Variants in AGAP1 observed in about 807,000 individuals in gnomAD.
AGAP1 encodes the protein arf-GAP with GTPase, ANK repeat and PH domain-containing protein 1.
AGAP1 carries 29 observed loss-of-function variants against 105.3 expected under a neutral mutation model. That is an observed-to-expected ratio of 0.28 (90% CI 0.21 to 0.38). The LOEUF (loss-of-function observed/expected upper bound fraction) is 0.38. Ranked by LOEUF, AGAP1 falls within the 10% of genes least tolerant of loss-of-function variation. AGAP1 has a pLI of 1.00. For synonymous variants in AGAP1, 509 were observed against 485.9 expected (o/e 1.05, Z -0.63); for missense variants, 998 against 1,165.1 (o/e 0.86, Z 2.09).
chr2:235,902,058 C>A (rs556510547), intron 10 of AGAP1, among the ~76,000 whole-genome samples: 1 of 152,134 alleles, frequency 6.6e-6, no homozygotes, highest in African/African-American at 2.4e-5. Flanking sequence ...GTATAATTTT[C>A]AAAATAAAAA....
rs1952343720 is a variant in AGAP1, at chr2:235,737,892, GC to G, written c.311-3069del. On this transcript the variant is annotated intron_variant, in intron 3 of 17. Coordinates refer to ENST00000304032, the MANE Select transcript of AGAP1 (RefSeq NM_001037131.3). The surrounding 1 kb of genome is among the most constrained non-coding windows in gnomAD (Gnocchi z 4.5). ...GGCCAGCGTGCTTGGACAAGACGAAGCCTCATCAAAGTTGAACCTTAGGGTT... is the reference window on the plus strand; with the variant it reads ...GGCCAGCGTGCTTGGACAAGACGAAGCTCATCAAAGTTGAACCTTAGGGTT... 6.6e-6 allele frequency among the ~76,000 whole-genome samples: 1 copy of G among 152,030 alleles called. No individual in the cohort carries two copies.
intron 9 of AGAP1, among the ~76,000 whole-genome samples, chr2:235,876,175 G>A (rs1325751224): frequency 1.3e-5 from 2 of 152,048 alleles, no homozygotes; most frequent in Non-Finnish European, 2.9e-5. Flanking sequence ...GCAAATACTT[G>A]TATCTGTTGT....
At chr2:235,568,306 G>A (rs771808600) in intron 1 of AGAP1, among the ~76,000 whole-genome samples, 1 of 152,260 alleles carries the variant, frequency 6.6e-6, no homozygotes, top group Non-Finnish European at 1.5e-5. Flanking sequence ...CCGAGCTGCT[G>A]CTGTTCGTGG....
intron 13 of AGAP1, among the ~76,000 whole-genome samples, chr2:235,990,567 C>T (rs2055522921): frequency 6.6e-6 from 1 of 152,210 alleles, no homozygotes; most frequent in Non-Finnish European, 1.5e-5. Context: ...GGCTTCCTTC[C>T]AACATGGTGG....
Position 236,014,774 on chromosome 2 carries a change from C to A in AGAP1, c.1646-21787C>A. On this transcript the variant is annotated intron_variant, in intron 13 of 17. Coordinates refer to ENST00000304032, the MANE Select transcript of AGAP1 (RefSeq NM_001037131.3). This position sits in a 1 kb window ranked among gnomAD's most constrained non-coding sequence, Gnocchi z 6.3. ...TTTCCTTTTTGTTTTCTCTCTTTTTCCCCTCTCCCCTTTCTGCTCTCGGGA... is the reference window on the plus strand; with the variant it reads ...TTTCCTTTTTGTTTTCTCTCTTTTTACCCTCTCCCCTTTCTGCTCTCGGGA... The A allele has an allele frequency of 2.4e-6, 1 of 413,906 alleles. No individual in the cohort carries two copies. The highest frequency in any genetic ancestry group is 4.8e-6 in the Non-Finnish European group (1 of 206,516). The allele number at this position is 413,906 out of a possible 1,614,324, so 25.6% of individuals were successfully genotyped here.
At position 235,962,356 on chromosome 2, in the gene AGAP1, C is replaced by T. The variant is rs1453078240; in HGVS notation, c.1484-6106C>T. On this transcript the variant is annotated intron_variant, in intron 12 of 17. Coordinates refer to ENST00000304032, the MANE Select transcript of AGAP1 (RefSeq NM_001037131.3). This position sits in a 1 kb window ranked among gnomAD's most constrained non-coding sequence, Gnocchi z 5.3. ...AAGTCAGTGAAGTTGGGGCTTCCTA[C>T]TCAGGAGAGATGGTGGGAGAAGGGA... is the stretch of plus-strand genomic sequence containing the variant. Among the ~76,000 whole-genome samples, 3 of 152,052 alleles carry T rather than the reference C, an allele frequency of 2.0e-5. No homozygotes were observed. Among genetic ancestry groups the T allele is most frequent in the African/African-American group, 7.2e-5 (3 of 41,400 alleles).
chr2:236,128,078 C>A lies in AGAP1; in HGVS notation c.*3956C>A, dbSNP rs554481908. ...GCTGTGATGGGCACGTTTGCCAACC[C>A]CCCCCCCCCAGTAGAGCCCAGGACC... On this transcript the variant is annotated 3_prime_UTR_variant, in exon 18 of 18. Transcript: ENST00000304032. This position sits in a 1 kb window ranked among gnomAD's most constrained non-coding sequence, Gnocchi z 5.9. The A allele has an allele frequency of 8.1e-4, 121 of 150,178 alleles. No homozygotes were observed. Among genetic ancestry groups the A allele is most frequent in the Non-Finnish European group, 1.5e-3 (98 of 67,020 alleles). The allele number at this position is 150,178 out of a possible 1,614,324, so 9.3% of individuals were successfully genotyped here.
rs779398988 is a variant in AGAP1 at position 235,908,711 on chromosome 2, C to G, written c.1156-27C>G. The G allele has an allele frequency of 3.3e-6, 5 of 1,524,816 alleles. No homozygotes were observed. Among genetic ancestry groups the G allele is most frequent in the Non-Finnish European group, 4.4e-6 (5 of 1,128,946 alleles). The allele number at this position is 1,524,816 out of a possible 1,614,324, so 94.5% of individuals were successfully genotyped here. ...AAAGGTCTTTTTTTTTTTTTTATCT[C>G]TCTTGGATGTTTAACATTTTCAACA... On this transcript the variant is annotated intron_variant, in intron 10 of 17. Coordinates refer to ENST00000304032, the MANE Select transcript of AGAP1 (RefSeq NM_001037131.3). The surrounding 1 kb of genome is among the most constrained non-coding windows in gnomAD (Gnocchi z 4.4).
intron 1 of AGAP1, among the ~76,000 whole-genome samples, chr2:235,512,635 C>T (rs1266463146): frequency 6.6e-6 from 1 of 152,162 alleles, no homozygotes; most frequent in East Asian, 1.9e-4. Flanking sequence ...CCATGCGCGT[C>T]CTCCCCCATT....
Position 235,970,885 on chromosome 2 carries a change from A to AG in AGAP1, c.1645+2262_1645+2263insG, listed in dbSNP as rs2054616642. ...ATGTGTGTGCGAGGCAATAGTGGATACCCAGGCTGAGACACGGGCTCTGTC... is the reference window on the plus strand; with the variant it reads ...ATGTGTGTGCGAGGCAATAGTGGATAGCCCAGGCTGAGACACGGGCTCTGTC... On this transcript the variant is annotated intron_variant, in intron 13 of 17. Transcript: ENST00000304032. This position sits in a 1 kb window ranked among gnomAD's most constrained non-coding sequence, Gnocchi z 5.4. Among the ~76,000 whole-genome samples the AG allele has an allele frequency of 6.6e-6, 1 of 152,154 alleles. No homozygotes were observed. The highest frequency in any genetic ancestry group is 1.5e-5 in the Non-Finnish European group (1 of 68,038).
rs1036067704 is a variant in AGAP1 at position 235,642,559 on chromosome 2, C to T, written c.164-66620C>T. The stretch of plus-strand genomic sequence containing the variant: ...ACCTTCCACTTGTCCTAACAGCTGT[C>T]GGGACCATCATCCACCAGGGGCCAG... On this transcript the variant is annotated intron_variant, in intron 1 of 17. Transcript: ENST00000304032. The surrounding 1 kb of genome is among the most constrained non-coding windows in gnomAD (Gnocchi z 4.1). 4.6e-5 allele frequency among the ~76,000 whole-genome samples: 7 copies of T among 152,088 alleles called. No individual in the cohort carries two copies. Among genetic ancestry groups the T allele is most frequent in the Non-Finnish European group, 8.8e-5 (6 of 68,022 alleles).
At chr2:235,630,102 A>G (rs961767777) in intron 1 of AGAP1, among the ~76,000 whole-genome samples, 4 of 152,210 alleles carry the variant, frequency 2.6e-5, no homozygotes, top group African/African-American at 9.6e-5. Flanking sequence ...AGGACTGTAG[A>G]AAGATTTTGT....
intron 7 of AGAP1, 130 bp downstream of exon 7, chr2:235,798,016 C>A: frequency 1.7e-6 from 2 of 1,186,082 alleles, no homozygotes; most frequent in Non-Finnish European, 1.2e-6. Context: ...TTGTAATTGA[C>A]TTCACATTTT....
In AGAP1 at chr2:236,125,985, C is replaced by G. The variant is rs915389307; in HGVS notation, c.*1863C>G. On this transcript the variant is annotated 3_prime_UTR_variant, in exon 18 of 18. Transcript: ENST00000304032. The surrounding 1 kb of genome is among the most constrained non-coding windows in gnomAD (Gnocchi z 5.2). The stretch of plus-strand genomic sequence containing the variant: ...GCCTCCGGGGTGTTCCTCGCTCTCT[C>G]GTATGTTAAACCTTATATTTTATAA... 1 of 149,190 alleles carries G rather than the reference C, an allele frequency of 6.7e-6. No individual in the cohort carries two copies. Among genetic ancestry groups the G allele is most frequent in the Non-Finnish European group, 1.5e-5 (1 of 67,394 alleles). 9.2% of individuals were successfully genotyped at this position (149,190 alleles called of 1,614,324 possible).
At position 235,523,808 on chromosome 2, in the gene AGAP1, C is replaced by G. The variant is rs577874414; in HGVS notation, c.163+28959C>G. On this transcript the variant is annotated intron_variant, in intron 1 of 17. Coordinates refer to ENST00000304032, the MANE Select transcript of AGAP1 (RefSeq NM_001037131.3). ...GATTGCATCTGCTTCCCTGCCCTTC[C>G]AGTGGGAGTGACCCTGCTTGGACGT... 2.0e-5 allele frequency among the ~76,000 whole-genome samples: 3 copies of G among 152,112 alleles called. No individual in the cohort carries two copies. The East Asian group carries it at 5.8e-4, about 29-fold the overall frequency.
intron 9 of AGAP1, among the ~76,000 whole-genome samples, chr2:235,836,161 A>G (rs1168956278): frequency 6.6e-6 from 1 of 152,250 alleles, no homozygotes; most frequent in African/African-American, 2.4e-5. Context: ...AAAAGCAATC[A>G]AAAGAGTAAA....
chr2:235,851,378 GGCAGAA>G (rs1288955691), intron 9 of AGAP1, among the ~76,000 whole-genome samples: 1 of 152,212 alleles, frequency 6.6e-6, no homozygotes, highest in Non-Finnish European at 1.5e-5. Flanking sequence ...TCCTGGGAAG[GGCAGAA>G]GCAGCTTGGC....
intron 13 of AGAP1, among the ~76,000 whole-genome samples, chr2:236,024,035 T>C (rs199643445): frequency 8.5e-6 from 1 of 116,970 alleles, no homozygotes; most frequent in Non-Finnish European, 1.6e-5. Context: ...TTTTTTTTTG[T>C]TTTTTTTTTT....
At chr2:235,861,721 C>T (rs1575637383) in intron 9 of AGAP1, among the ~76,000 whole-genome samples, 1 of 152,170 alleles carries the variant, frequency 6.6e-6, no homozygotes, top group African/African-American at 2.4e-5. Flanking sequence ...CCCACTGTGT[C>T]CCTGGGGGAC....
Sources: allele counts gnomAD v4.1 joint callset (sites outside exome capture counted in the v4.1 genomes callset), GRCh38; gene constraint gnomAD v4.1.1; non-coding constraint Gnocchi (gnomAD v3.1); transcripts MANE v1.5; gene names NCBI Gene and HGNC (gene_info 2026-07-23, HGNC 2026-07-21).